The following CFAP20DC variants were observed in gnomAD, a reference collection of about 807,000 sequenced individuals.
CFAP20DC encodes the protein CFAP20 domain containing.
CFAP20DC carries 84 observed loss-of-function variants against 101.7 expected under a neutral mutation model. The observed-to-expected ratio is 0.83, with a 90% confidence interval of 0.69 to 0.99. CFAP20DC has a LOEUF of 0.99. Among genes scored for constraint, CFAP20DC ranks in the 50% least tolerant of loss-of-function variants. The pLI, the probability that CFAP20DC is intolerant of heterozygous loss-of-function variation, is 0.00. For missense variants in CFAP20DC, 1,007 were observed against 970.3 expected (o/e 1.04, Z -0.50); for synonymous variants, 359 against 351.2 (o/e 1.02, Z -0.25).
intron 6 of CFAP20DC, among the ~76,000 whole-genome samples, chr3:58,895,187 A>G (rs2082568617): frequency 6.6e-6 from 1 of 152,218 alleles, no homozygotes; most frequent in Non-Finnish European, 1.5e-5. Flanking sequence ...TCACTTGTGC[A>G]ATTTCTGCAG....
At chr3:58,783,328 T>C (rs1198751221) in intron 15 of CFAP20DC, among the ~76,000 whole-genome samples, 1 of 151,534 alleles carries the variant, frequency 6.6e-6, no homozygotes, top group Admixed American at 6.6e-5. Context: ...ATAAAACTGG[T>C]AGAAAAAAAC....
At chr3:58,958,670 C>T (rs958442615) in intron 4 of CFAP20DC, among the ~76,000 whole-genome samples, 1 of 152,128 alleles carries the variant, frequency 6.6e-6, no homozygotes, top group Non-Finnish European at 1.5e-5. Flanking sequence ...GAGGTATTAT[C>T]TCATTATGGC....
intron 4 of CFAP20DC, among the ~76,000 whole-genome samples, chr3:58,972,571 G>C (rs567196116): frequency 5.9e-5 from 9 of 152,214 alleles, no homozygotes; most frequent in African/African-American, 2.2e-4. Flanking sequence ...GTAAATGAAA[G>C]GTGAAATTAG....
chr3:58,813,058 C>G (rs1046642361), intron 14 of CFAP20DC, among the ~76,000 whole-genome samples: 2 of 151,802 alleles, frequency 1.3e-5, no homozygotes, highest in Admixed American at 1.3e-4. Context: ...AATATAATTT[C>G]TATTACCACG....
intron 14 of CFAP20DC, among the ~76,000 whole-genome samples, chr3:58,829,405 A>G (rs2076250405): frequency 6.6e-6 from 1 of 152,006 alleles, no homozygotes; most frequent in South Asian, 2.1e-4. Flanking sequence ...TCCCTGTGCA[A>G]CTTTTAAAGA....
At chr3:58,945,458 T>C (rs1054799341) in intron 4 of CFAP20DC, among the ~76,000 whole-genome samples, 2 of 151,918 alleles carry the variant, frequency 1.3e-5, no homozygotes, top group African/African-American at 4.8e-5. Flanking sequence ...TTTTGATAGG[T>C]AAAAAAAAGC....
chr3:58,845,646 C>T (rs886209116), intron 13 of CFAP20DC, among the ~76,000 whole-genome samples: 1 of 152,076 alleles, frequency 6.6e-6, no homozygotes, highest in African/African-American at 2.4e-5. Context: ...AGAGGGAATC[C>T]TCCCTAACTC....
intron 15 of CFAP20DC, among the ~76,000 whole-genome samples, chr3:58,760,401 C>T (rs1034363252): frequency 6.6e-6 from 1 of 152,146 alleles, no homozygotes; most frequent in Non-Finnish European, 1.5e-5. Context: ...TGAGACTTTG[C>T]TGAAGTTGCC....
chr3:59,002,408 A>G lies in CFAP20DC; in HGVS notation c.278+37149T>C, dbSNP rs1225842922. 6.6e-6 allele frequency among the ~76,000 whole-genome samples: 1 copy of G among 152,246 alleles called. No homozygotes were observed. Among genetic ancestry groups the G allele is most frequent in the Non-Finnish European group, 1.5e-5 (1 of 68,042 alleles). On this transcript the variant is annotated intron_variant, in intron 4 of 16. Transcript: ENST00000482387. This position sits in a 1 kb window ranked among gnomAD's most constrained non-coding sequence, Gnocchi z 4.5. Reference sequence around the variant, plus strand: ...CAAAATGACTTTATGCAAGCAAAGCAAGTAGAAGTATTTCTAAATGTGAAA... The same window carrying G: ...CAAAATGACTTTATGCAAGCAAAGCGAGTAGAAGTATTTCTAAATGTGAAA...
At chr3:58,942,854 C>G (rs959309725) in intron 4 of CFAP20DC, among the ~76,000 whole-genome samples, 17 of 152,328 alleles carry the variant, frequency 1.1e-4, no homozygotes, top group African/African-American at 3.6e-4. Context: ...ACACAGCAGT[C>G]TAAAATCAAC....
chr3:58,948,546 A>G (rs1352108886), intron 4 of CFAP20DC, among the ~76,000 whole-genome samples: 1 of 152,222 alleles, frequency 6.6e-6, no homozygotes, highest in East Asian at 1.9e-4. Flanking sequence ...AGTCCCATAT[A>G]TTCCAGTTTT....
At chr3:59,021,255 C>A (rs766237259) in intron 4 of CFAP20DC, among the ~76,000 whole-genome samples, 3 of 152,150 alleles carry the variant, frequency 2.0e-5, no homozygotes, top group Non-Finnish European at 4.4e-5. Flanking sequence ...ATTAAGACAA[C>A]CTTAGGATTC....
At chr3:58,842,359 C>T (rs980656943) in intron 13 of CFAP20DC, among the ~76,000 whole-genome samples, 5 of 152,178 alleles carry the variant, frequency 3.3e-5, no homozygotes, top group Non-Finnish European at 7.3e-5. Context: ...CTGGGAAGCG[C>T]AAGGGGTCAG....
intron 7 of CFAP20DC, among the ~76,000 whole-genome samples, chr3:58,871,420 G>A (rs890478885): frequency 1.3e-5 from 2 of 152,088 alleles, no homozygotes; most frequent in African/African-American, 4.8e-5. Context: ...TTCAGGATAG[G>A]GCAGGTGTGC....
At chr3:58,985,932 T>C (rs2092735582) in intron 4 of CFAP20DC, among the ~76,000 whole-genome samples, 1 of 152,214 alleles carries the variant, frequency 6.6e-6, no homozygotes, top group African/African-American at 2.4e-5. Flanking sequence ...CAGTACACAT[T>C]GAACAGACAC....
intron 13 of CFAP20DC, among the ~76,000 whole-genome samples, chr3:58,842,708 G>T (rs957732875): frequency 1.1e-4 from 17 of 152,348 alleles, no homozygotes; most frequent in African/African-American, 4.1e-4. Context: ...ACCTCTGGGG[G>T]CAGGGCACAG....
At chr3:58,910,665 A>C (rs539238872) in intron 6 of CFAP20DC, among the ~76,000 whole-genome samples, 1 of 152,104 alleles carries the variant, frequency 6.6e-6, no homozygotes, top group South Asian at 2.1e-4. Context: ...GAAATCTTAT[A>C]TTTCTGTTTC....
At chr3:58,740,126 G>A (rs1489851076), downstream of CFAP20DC, among the ~76,000 whole-genome samples, 1 of 152,174 alleles carries the variant, frequency 6.6e-6, no homozygotes, top group African/African-American at 2.4e-5. The surrounding 1 kb of genome is among the most constrained non-coding windows in gnomAD (Gnocchi z 4.6). Context: ...GGGTGCTCTG[G>A]CAGGTGGACT....
rs145689862 is a variant in CFAP20DC at position 59,033,466 on chromosome 3, G to T, written c.278+6091C>A. 2.6e-3 allele frequency among the ~76,000 whole-genome samples: 394 copies of T among 152,214 alleles called. 1 individual carries two copies. The highest frequency in any genetic ancestry group is 9.1e-3 in the African/African-American group (378 of 41,526). ...TAAGAACCTTGAAAAAAGGTTGGAG[G>T]AATTGCTAACTAGAATAACCAGTTT... On this transcript the variant is annotated intron_variant, in intron 4 of 16. Transcript: ENST00000482387.
Sources: allele counts gnomAD v4.1 joint callset (sites outside exome capture counted in the v4.1 genomes callset), GRCh38; gene constraint gnomAD v4.1.1; non-coding constraint Gnocchi (gnomAD v3.1); transcripts MANE v1.5; gene names NCBI Gene and HGNC (gene_info 2026-07-23, HGNC 2026-07-21).